The following PFKP variants were observed in gnomAD, a reference collection of about 807,000 sequenced individuals.
The protein encoded by PFKP is ATP-dependent 6-phosphofructokinase, platelet type.
Under a neutral mutation model 94.3 loss-of-function variants are expected in PFKP, and 101 were observed. The observed-to-expected ratio is 1.07, with a 90% CI of 0.91 to 1.26. PFKP has a LOEUF of 1.26. Ranked by LOEUF, PFKP falls within the 50% of genes most tolerant of loss-of-function variation. PFKP has a pLI of 0.00. For synonymous variants in PFKP, 573 were observed against 432.6 expected (o/e 1.32, Z -4.03); for missense variants, 1,145 against 1,103.3 (o/e 1.04, Z -0.53).
At chr10:3,130,609 G>C (rs1042284987) in intron 17 of PFKP, among the ~76,000 whole-genome samples, 8 of 152,230 alleles carry the variant, frequency 5.3e-5, no homozygotes, top group Non-Finnish European at 1.2e-4. Flanking sequence ...ACCCAGGCTG[G>C]AGTGCAGTGG....
chr10:3,075,996 C>T lies in PFKP; in HGVS notation c.113-6392C>T, dbSNP rs1210955437. On this transcript the variant is annotated intron_variant, in intron 1 of 21. Coordinates refer to ENST00000381125, the MANE Select transcript of PFKP (RefSeq NM_002627.5). ...ACTGCAGTCCGCAGTCCGGCCTGGGCGACAGAGCGAGACTCCGTCTCAAAA... is the reference window on the plus strand; with the variant it reads ...ACTGCAGTCCGCAGTCCGGCCTGGGTGACAGAGCGAGACTCCGTCTCAAAA... Among the ~76,000 whole-genome samples, 59 of 116,036 alleles carry T rather than the reference C, an allele frequency of 5.1e-4. 1 individual carries two copies. The highest frequency in any genetic ancestry group is 1.7e-3 in the African/African-American group (51 of 29,158). 76.1% of individuals were successfully genotyped at this position (116,036 alleles called of 152,430 possible).
intron 16 of PFKP, among the ~76,000 whole-genome samples, chr10:3,121,141 A>G (rs1177696021): frequency 1.3e-5 from 2 of 152,220 alleles, no homozygotes; most frequent in Non-Finnish European, 2.9e-5. Flanking sequence ...GAGCGTTTTA[A>G]ACTTTCTTCA....
At chr10:3,099,019 A>G (rs1447826157) in intron 2 of PFKP, among the ~76,000 whole-genome samples, 1 of 152,168 alleles carries the variant, frequency 6.6e-6, no homozygotes, top group African/African-American at 2.4e-5. Context: ...ACGCTGGGCC[A>G]TAGGAGAATG....
At chr10:3,122,926 G>A (rs1455454099) in intron 16 of PFKP, among the ~76,000 whole-genome samples, 3 of 152,202 alleles carry the variant, frequency 2.0e-5, no homozygotes, top group Admixed American at 1.3e-4. Context: ...AGAGCACAGG[G>A]TGGGCTCCAT....
rs141209058 is a variant in PFKP, at chr10:3,099,576, C to A, written c.264+224C>A. ...TAATAGAAATAATCCAAATCGGTGCCTCCCCGCTGAAGACGCTCATGGGGC... is the reference window on the plus strand; with the variant it reads ...TAATAGAAATAATCCAAATCGGTGCATCCCCGCTGAAGACGCTCATGGGGC... On this transcript the variant is annotated intron_variant, in intron 3 of 21. Coordinates refer to ENST00000381125, the MANE Select transcript of PFKP (RefSeq NM_002627.5). 4.3e-3 allele frequency among the ~76,000 whole-genome samples: 658 copies of A among 152,350 alleles called. 2 individuals are homozygous for A. Among genetic ancestry groups the A allele is most frequent in the Non-Finnish European group, 7.5e-3 (511 of 68,034 alleles).
At chr10:3,102,274 C>A (rs1337608583) in intron 4 of PFKP, among the ~76,000 whole-genome samples, 235 of 99,344 alleles carry the variant, frequency 2.4e-3, no homozygotes, top group South Asian at 3.3e-3. Flanking sequence ...AAAAAAAAAA[C>A]TGAAGTTGCC....
chr10:3,125,658 G>A (rs564522587), intron 16 of PFKP, among the ~76,000 whole-genome samples: 2 of 152,340 alleles, frequency 1.3e-5, no homozygotes, highest in Admixed American at 1.3e-4. Flanking sequence ...GCCGCTGCCT[G>A]GAAAACAGCC....
At chr10:3,134,257 C>CT (rs1194932172) in intron 19 of PFKP, among the ~76,000 whole-genome samples, 36 of 152,188 alleles carry the variant, frequency 2.4e-4, no homozygotes. Context: ...TGTTAGTTGA[C>CT]TTGTTCGGTT....
intron 2 of PFKP, among the ~76,000 whole-genome samples, chr10:3,091,915 G>A (rs1217318617): frequency 6.6e-6 from 1 of 152,216 alleles, no homozygotes; most frequent in African/African-American, 2.4e-5. Flanking sequence ...AGAAAGGCTA[G>A]GAATAATTCT....
intron 2 of PFKP, among the ~76,000 whole-genome samples, chr10:3,093,324 A>G (rs1834205632): frequency 6.6e-6 from 1 of 152,144 alleles, no homozygotes; most frequent in Admixed American, 6.5e-5. Context: ...TGTTTTAAAC[A>G]TAACTATTTC....
At chr10:3,120,369 C>CTTTGTGTGTGTGTGTG (rs148428194) in intron 16 of PFKP, among the ~76,000 whole-genome samples, 129 of 108,584 alleles carry the variant, frequency 1.2e-3, no homozygotes, top group African/African-American at 3.4e-3. Flanking sequence ...TTAAAAATCG[C>CTTTGTGTGTGTGTGTG]TGTGTGTGTG....
intron 2 of PFKP, among the ~76,000 whole-genome samples, chr10:3,093,098 C>T (rs1442995740): frequency 6.6e-6 from 1 of 152,046 alleles, no homozygotes; most frequent in Non-Finnish European, 1.5e-5. Flanking sequence ...AGCTCCCGCT[C>T]CTGGGATGTG....
At position 3,135,879 on chromosome 10, in the gene PFKP, T is replaced by G. The variant is rs763597285; in HGVS notation, c.2225+41T>G. The stretch of plus-strand genomic sequence containing the variant: ...TCCCTGAGGCAATAAGACCCCAATG[T>G]GAGTACGGGACAGGGGAATGGCCAT... On this transcript the variant is annotated intron_variant, in intron 21 of 21. Coordinates refer to ENST00000381125, the MANE Select transcript of PFKP (RefSeq NM_002627.5). The G allele has an allele frequency of 3.3e-6, 4 of 1,215,738 alleles. No homozygotes were observed. In the Admixed American group the frequency reaches 6.7e-5, roughly 21 times the overall value. The allele number at this position is 1,215,738 out of a possible 1,614,324, so 75.3% of individuals were successfully genotyped here.
Position 3,107,191 on chromosome 10 carries a change from G to C in PFKP, c.775-23G>C, listed in dbSNP as rs546933786. The C allele has an allele frequency of 5.6e-5, 80 of 1,419,522 alleles. 1 individual carries two copies. The South Asian group carries it at 8.5e-4, about 15-fold the overall frequency. 87.9% of individuals were successfully genotyped at this position (1,419,522 alleles called of 1,614,324 possible). ...TAAGAACAGGATTAGGAATTTGAGA[G>C]CTTTAATTTTCTGTCTCCACAGAAC... On this transcript the variant is annotated intron_variant, in intron 7 of 21. Transcript: ENST00000381125.
In PFKP at chr10:3,070,620, A is replaced by G. The variant is rs80211603; in HGVS notation, c.112+2913A>G. 2.3e-3 allele frequency among the ~76,000 whole-genome samples: 350 copies of G among 152,294 alleles called. 3 individuals are homozygous for G. The highest frequency in any genetic ancestry group is 8.0e-3 in the African/African-American group (333 of 41,546). ...ATGATCCCAAGAGAGGCGTGTCCTC[A>G]TTTTGGAAGTGGGGAGAAAGACTCA... On this transcript the variant is annotated intron_variant, in intron 1 of 21. Transcript: ENST00000381125.
At position 3,136,581 on chromosome 10, in the gene PFKP, C is replaced by T; in HGVS notation, c.*2C>T. ...CATGTGCAGCCCTGGAGTGTCTGAC[C>T]CAGTCCCGCCTGCATGTGCCTGCAG... is the stretch of plus-strand genomic sequence containing the variant. On this transcript the variant is annotated 3_prime_UTR_variant, in exon 22 of 22. Transcript: ENST00000381125. 1 of 1,612,788 alleles carries T rather than the reference C, an allele frequency of 6.2e-7. No individual in the cohort carries two copies. The highest frequency in any genetic ancestry group is 8.5e-7 in the Non-Finnish European group (1 of 1,179,336).
intron 2 of PFKP, among the ~76,000 whole-genome samples, chr10:3,088,686 T>C (rs1252873555): frequency 2.0e-5 from 3 of 152,240 alleles, no homozygotes; most frequent in African/African-American, 4.8e-5. Context: ...TACCTATTTA[T>C]GGGGTACATG....
chr10:3,099,536 A>C (rs1834778224), intron 3 of PFKP, among the ~76,000 whole-genome samples, 184 bp downstream of exon 3: 1 of 152,236 alleles, frequency 6.6e-6, no homozygotes, highest in South Asian at 2.1e-4. Flanking sequence ...TCTGTGAGTC[A>C]CTTTGAGTAC....
rs201104553 is a variant in PFKP at position 3,105,164 on chromosome 10, G to A, written c.665+5G>A. 1.7e-5 allele frequency: 28 copies of A among 1,613,154 alleles called. No homozygotes were observed. The highest frequency in any genetic ancestry group is 4.4e-5 in the South Asian group (4 of 91,044). On this transcript the variant is annotated splice_donor_5th_base_variant and intron_variant, in intron 6 of 21. Transcript: ENST00000381125. ...GGTGATGGGACGACACTGTGGGTAC[G>A]TACCTGCGGTGGGTCCGGTGGACGC...
Sources: gnomAD v4.1 joint callset for allele counts (sites outside exome capture counted in the v4.1 genomes callset) on GRCh38, gnomAD v4.1.1 for gene constraint, MANE v1.5 for transcripts, NCBI Gene and HGNC (gene_info 2026-07-23, HGNC 2026-07-21) for gene names.